The following MAP3K21 variants were observed in gnomAD, a reference collection of about 807,000 sequenced individuals.
The protein encoded by MAP3K21 is mitogen-activated protein kinase kinase kinase MLK4.
MAP3K21 carries 63 observed loss-of-function variants against 86.1 expected under a neutral mutation model. The observed-to-expected ratio is 0.73, with a 90% CI of 0.60 to 0.90. The LOEUF (loss-of-function observed/expected upper bound fraction) is 0.90, where lower values mean the gene tolerates loss of function less well. Ranked by LOEUF, MAP3K21 falls within the 40% of genes least tolerant of loss-of-function variation. The pLI, the probability that MAP3K21 is intolerant of heterozygous loss-of-function variation, is 0.00. For synonymous variants in MAP3K21, 558 were observed against 564.8 expected (o/e 0.99, Z 0.17); for missense variants, 1,220 against 1,367.7 (o/e 0.89, Z 1.70).
chr1:233,329,163 T>C (rs1309284259), intron 1 of MAP3K21, among the ~76,000 whole-genome samples: 1 of 152,168 alleles, frequency 6.6e-6, no homozygotes, highest in African/African-American at 2.4e-5. Flanking sequence ...GTGATTCATC[T>C]GGGTAGGACT....
chr1:233,340,610 A>G (rs1305334497), intron 1 of MAP3K21, among the ~76,000 whole-genome samples: 1 of 152,020 alleles, frequency 6.6e-6, no homozygotes, highest in African/African-American at 2.4e-5. Context: ...GGGGAGGCAG[A>G]TGGTGCTAGG....
At chr1:233,355,659 T>C (rs536002686) in intron 4 of MAP3K21, among the ~76,000 whole-genome samples, 1 of 152,318 alleles carries the variant, frequency 6.6e-6, no homozygotes, top group South Asian at 2.1e-4. Flanking sequence ...CGACTCCCGC[T>C]GTGCCTTCCC....
intron 1 of MAP3K21, among the ~76,000 whole-genome samples, chr1:233,337,755 G>A: frequency 6.6e-6 from 1 of 152,164 alleles, no homozygotes; most frequent in East Asian, 1.9e-4. Context: ...TCAAGGTGGA[G>A]GCATAAAGTA....
intron 5 of MAP3K21, among the ~76,000 whole-genome samples, chr1:233,367,458 T>C (rs1475302933): frequency 1.3e-5 from 2 of 152,130 alleles, no homozygotes; most frequent in Non-Finnish European, 2.9e-5. Context: ...ACAAAGAAAA[T>C]CTGAGCACAG....
intron 1 of MAP3K21, among the ~76,000 whole-genome samples, chr1:233,329,224 C>G (rs956918296): frequency 2.6e-5 from 4 of 152,170 alleles, no homozygotes; most frequent in Admixed American, 6.5e-5. Context: ...ACCGTCTTCA[C>G]CCGGTGGCCT....
chr1:233,347,445 T>C (rs1010638686), intron 2 of MAP3K21, among the ~76,000 whole-genome samples: 4 of 152,110 alleles, frequency 2.6e-5, no homozygotes, highest in Non-Finnish European at 5.9e-5. Flanking sequence ...AATCACACTG[T>C]TTAATAGTTA....
intron 5 of MAP3K21, 140 bp downstream of exon 5, chr1:233,362,433 C>A: frequency 1.1e-6 from 1 of 898,026 alleles, no homozygotes; most frequent in Non-Finnish European, 1.7e-6. Flanking sequence ...CAGCTGTAGG[C>A]TTAGATTCAT....
Position 233,379,166 on chromosome 1 carries a change from G to A in MAP3K21, c.2160G>A (p.Glu720=), listed in dbSNP as rs1234235919. ...GATCCCCCCAGAGAAAGAAAACGGA[G>A]TCAGCTCTGTATGGGTGCACCGTCC... ...LSRSPQRKKT[E]SALYGCTVLL... The change falls in exon 9 of 10, where the codon GAG becomes GAA. Residue 720 remains glutamate, a synonymous_variant. Coordinates refer to ENST00000366624, the MANE Select transcript of MAP3K21 (RefSeq NM_032435.3). 1 of 1,614,226 alleles carries A rather than the reference G, an allele frequency of 6.2e-7. No homozygotes were observed. The highest frequency in any genetic ancestry group is 8.5e-7 in the Non-Finnish European group (1 of 1,180,032).
intron 4 of MAP3K21, among the ~76,000 whole-genome samples, chr1:233,358,897 C>T (rs1394376980): frequency 6.6e-6 from 1 of 152,052 alleles, no homozygotes; most frequent in Admixed American, 6.5e-5. Flanking sequence ...GCAACCTCCA[C>T]CTCCCGAGTT....
chr1:233,384,454 G>A lies in MAP3K21; in HGVS notation c.*1743G>A, dbSNP rs1307467931. On this transcript the variant is annotated 3_prime_UTR_variant, in exon 10 of 10. Transcript: ENST00000366624. ...GTTCTATGATTCGGCTTCACTTTGT[G>A]TGGTTATTGAATTATGTAACAGAGA... The A allele has an allele frequency of 1.3e-5, 2 of 152,180 alleles. No individual in the cohort carries two copies. Among genetic ancestry groups the A allele is most frequent in the East Asian group, 3.8e-4 (2 of 5,206 alleles). 9.4% of individuals were successfully genotyped at this position (152,180 alleles called of 1,614,324 possible).
At chr1:233,347,556 A>G (rs1233550823) in intron 2 of MAP3K21, among the ~76,000 whole-genome samples, 8 of 152,214 alleles carry the variant, frequency 5.3e-5, no homozygotes, top group Non-Finnish European at 1.0e-4. Flanking sequence ...CACAGCCATG[A>G]AAAGAGTGGA....
chr1:233,337,212 A>T (rs372149698), intron 1 of MAP3K21, among the ~76,000 whole-genome samples: 322 of 8,576 alleles, frequency 0.038, no homozygotes, highest in African/African-American at 0.086. Flanking sequence ...TGTTGTAGCC[A>T]AAAAAAATCC....
chr1:233,342,122 A>C (rs6665230), intron 1 of MAP3K21, among the ~76,000 whole-genome samples: 64,462 of 152,080 alleles, frequency 0.42, 14,779 homozygotes, highest in African/African-American at 0.57. Flanking sequence ...ATTCATAGGG[A>C]ATAAGGACTG....
chr1:233,332,186 G>A (rs1662818335), intron 1 of MAP3K21, among the ~76,000 whole-genome samples: 1 of 152,120 alleles, frequency 6.6e-6, no homozygotes. Context: ...AGACATCAAT[G>A]ACAACAAATC....
chr1:233,353,921 C>G lies in MAP3K21; in HGVS notation c.1101C>G (p.Ser367=), dbSNP rs1481853234. 2.5e-6 allele frequency: 4 copies of G among 1,611,274 alleles called. No individual in the cohort carries two copies. The African/African-American group carries it at 5.3e-5, about 22-fold the overall frequency. ...ATAAACTCACTTTGCCCATTCCATC[C>G]ACCTGCCCTGAGCCGTTTGCCAAGC... The part of the protein sequence containing the change: ...AVNKLTLPIP[S]TCPEPFAKLM... The change falls in exon 3 of 10, where the codon TCC becomes TCG. Residue 367 remains serine, a synonymous_variant. Coordinates refer to ENST00000366624, the MANE Select transcript of MAP3K21 (RefSeq NM_032435.3).
intron 4 of MAP3K21, among the ~76,000 whole-genome samples, chr1:233,355,961 T>C (rs1392262796): frequency 2.0e-5 from 3 of 152,106 alleles, no homozygotes; most frequent in South Asian, 2.1e-4. Context: ...ACTCCCTTTC[T>C]CCTCACATAT....
At chr1:233,362,399 A>G in intron 5 of MAP3K21, 106 bp downstream of exon 5, 2 of 1,230,200 alleles carry the variant, frequency 1.6e-6, no homozygotes, top group Non-Finnish European at 1.1e-6. Flanking sequence ...TAACTTTGTA[A>G]AACAGTGAAT....
chr1:233,348,960 C>A (rs1394223136), intron 2 of MAP3K21, among the ~76,000 whole-genome samples: 4 of 152,154 alleles, frequency 2.6e-5, no homozygotes, highest in Non-Finnish European at 5.9e-5. Context: ...GTGGCAGAGA[C>A]CCCTGTCAGT....
intron 5 of MAP3K21, among the ~76,000 whole-genome samples, chr1:233,365,849 C>T (rs1183719975): frequency 6.6e-6 from 1 of 151,890 alleles, no homozygotes; most frequent in Non-Finnish European, 1.5e-5. Context: ...GGTGTTTACT[C>T]AAAGGAAAGA....
Sources: gnomAD v4.1 joint callset for allele counts (sites outside exome capture counted in the v4.1 genomes callset) on GRCh38, gnomAD v4.1.1 for gene constraint, MANE v1.5 for transcripts, NCBI Gene and HGNC (gene_info 2026-07-23, HGNC 2026-07-21) for gene names.